The following ATRN variants were observed in gnomAD, a reference collection of about 807,000 sequenced individuals.
ATRN encodes attractin.
In ATRN, 54 loss-of-function variants were observed where a neutral mutation model predicts 178.7. The observed-to-expected ratio is 0.30, with a 90% CI of 0.24 to 0.38. The LOEUF is 0.38. Among genes scored for constraint, ATRN ranks in the 10% least tolerant of loss-of-function variants. The pLI is 1.00. For synonymous variants in ATRN, 636 were observed against 663.0 expected (o/e 0.96, Z 0.63); for missense variants, 1,443 against 1,815.1 (o/e 0.79, Z 3.73).
chr20:3,572,652 T>TAA (rs11475024), intron 11 of ATRN, 79 bp from the exon 12 acceptor site: 166 of 1,035,796 alleles, frequency 1.6e-4, no homozygotes, highest in Non-Finnish European at 2.1e-4. Context: ...CCCTGTCTCT[T>TAA]AAAAAAAAAA....
intron 27 of ATRN, among the ~76,000 whole-genome samples, chr20:3,643,282 C>T (rs1457602393): frequency 6.6e-6 from 1 of 152,160 alleles, no homozygotes; most frequent in African/African-American, 2.4e-5. Flanking sequence ...CGGCAGAGAA[C>T]CCTACAGAGC....
intron 1 of ATRN, among the ~76,000 whole-genome samples, chr20:3,488,277 C>T (rs535539494): frequency 6.6e-6 from 1 of 151,908 alleles, no homozygotes; most frequent in South Asian, 2.1e-4. Context: ...ATTCCAAGAT[C>T]GTGGAGATAT....
At chr20:3,520,741 C>T (rs2085283148) in intron 1 of ATRN, among the ~76,000 whole-genome samples, 1 of 152,192 alleles carries the variant, frequency 6.6e-6, no homozygotes, top group East Asian at 1.9e-4. Flanking sequence ...AAGTGATCTG[C>T]CTGCCTCAGC....
At chr20:3,569,896 C>T (rs1248777095) in intron 11 of ATRN, among the ~76,000 whole-genome samples, 3 of 152,036 alleles carry the variant, frequency 2.0e-5, no homozygotes, top group Non-Finnish European at 4.4e-5. Context: ...CACAGCAAGA[C>T]CTCATCTCTA....
chr20:3,580,628 C>T (rs2146256029), intron 15 of ATRN, among the ~76,000 whole-genome samples: 1 of 152,232 alleles, frequency 6.6e-6, no homozygotes, highest in East Asian at 1.9e-4. Context: ...GACGGAAGGG[C>T]TTTCTGTGAT....
chr20:3,542,331 G>A (rs1368944041), intron 3 of ATRN, among the ~76,000 whole-genome samples: 1 of 152,150 alleles, frequency 6.6e-6, no homozygotes, highest in Non-Finnish European at 1.5e-5. Context: ...AGCTTATCAG[G>A]AGCCTTGTAG....
chr20:3,585,030 G>A, intron 18 of ATRN, 150 bp downstream of exon 18: 1 of 766,570 alleles, frequency 1.3e-6, no homozygotes, highest in South Asian at 1.8e-5. Flanking sequence ...TAGACCAGAA[G>A]CTGGTCCAAG....
chr20:3,539,411 C>G (rs2146188112), intron 2 of ATRN, among the ~76,000 whole-genome samples: 1 of 152,224 alleles, frequency 6.6e-6, no homozygotes, highest in Non-Finnish European at 1.5e-5. Context: ...GATACTTAAG[C>G]AGATTTGAAT....
chr20:3,607,280 A>T (rs1157047911), intron 24 of ATRN, among the ~76,000 whole-genome samples: 1 of 152,216 alleles, frequency 6.6e-6, no homozygotes, highest in Non-Finnish European at 1.5e-5. Flanking sequence ...TTTTGAAATA[A>T]TGAATAAGTT....
intron 18 of ATRN, among the ~76,000 whole-genome samples, chr20:3,589,909 G>A (rs1227427718): frequency 4.6e-5 from 7 of 152,206 alleles, no homozygotes; most frequent in Admixed American, 3.3e-4. Flanking sequence ...CCTAAAGATA[G>A]CTGGCACATT....
At chr20:3,634,765 C>A (rs776843729) in intron 26 of ATRN, among the ~76,000 whole-genome samples, 42 of 152,126 alleles carry the variant, frequency 2.8e-4, no homozygotes, top group Non-Finnish European at 1.3e-4. Flanking sequence ...ACTTGTCATG[C>A]GAGAGGGAAA....
intron 3 of ATRN, among the ~76,000 whole-genome samples, chr20:3,541,784 G>A (rs1413680208): frequency 1.3e-5 from 2 of 152,186 alleles, no homozygotes; most frequent in African/African-American, 4.8e-5. Context: ...ATAGTTTTCA[G>A]TTTTTCACCT....
chr20:3,646,593 T>C, intron 28 of ATRN, 130 bp from the exon 29 acceptor site: 1 of 1,297,138 alleles, frequency 7.7e-7, no homozygotes. Context: ...TTTTTGGGGG[T>C]TTTTTGTTCT....
chr20:3,568,314 C>T (rs1423292886), intron 11 of ATRN, among the ~76,000 whole-genome samples: 1 of 145,916 alleles, frequency 6.9e-6, no homozygotes, highest in East Asian at 2.0e-4. Flanking sequence ...GAGAAAGAAA[C>T]CTTATATTAA....
At chr20:3,509,010 A>G (rs966285167) in intron 1 of ATRN, among the ~76,000 whole-genome samples, 2 of 152,004 alleles carry the variant, frequency 1.3e-5, no homozygotes, top group East Asian at 1.9e-4. Flanking sequence ...GCATAACATA[A>G]TAGTTTATAA....
intron 6 of ATRN, among the ~76,000 whole-genome samples, chr20:3,555,731 G>A (rs182787149): frequency 6.6e-6 from 1 of 152,340 alleles, no homozygotes; most frequent in Admixed American, 6.5e-5. Flanking sequence ...CTTAGATACA[G>A]TGGGAACAGA....
intron 24 of ATRN, among the ~76,000 whole-genome samples, chr20:3,608,186 TGCTTTGTAGA>T (rs1017080707): frequency 3.3e-5 from 5 of 152,236 alleles, no homozygotes; most frequent in African/African-American, 1.2e-4. Flanking sequence ...TTGTTTCCTT[TGCTTTGTAGA>T]GCTTTTTGGC....
intron 1 of ATRN, among the ~76,000 whole-genome samples, chr20:3,498,251 G>A (rs1476245474): frequency 6.6e-6 from 1 of 152,140 alleles, no homozygotes; most frequent in Non-Finnish European, 1.5e-5. Context: ...TCTACCAGAG[G>A]TACAAGGAGG....
chr20:3,546,934 T>A (rs929501897), intron 4 of ATRN, among the ~76,000 whole-genome samples: 4 of 152,178 alleles, frequency 2.6e-5, no homozygotes, highest in African/African-American at 9.7e-5. Flanking sequence ...TCTGTAAAGC[T>A]CATCATTAGG....
Sources: gnomAD v4.1 joint callset for allele counts (sites outside exome capture counted in the v4.1 genomes callset) on GRCh38, gnomAD v4.1.1 for gene constraint, MANE v1.5 for transcripts, NCBI Gene and HGNC (gene_info 2026-07-23, HGNC 2026-07-21) for gene names.